Variants in NRXN3 observed in about 807,000 individuals in gnomAD.
The protein encoded by NRXN3 is neurexin III.
Under a neutral mutation model 137.6 loss-of-function variants are expected in NRXN3, and 32 were observed. The ratio of observed to expected loss-of-function variants is 0.23; its 90% CI spans 0.18 to 0.31. The LOEUF is 0.31. Among genes scored for constraint, NRXN3 ranks in the 10% least tolerant of loss-of-function variants. The pLI is 1.00. For synonymous variants in NRXN3, 798 were observed against 784.5 expected (o/e 1.02, Z -0.29); for missense variants, 1,574 against 2,062.5 (o/e 0.76, Z 4.59).
intron 1 of NRXN3, among the ~76,000 whole-genome samples, chr14:78,221,235 T>A (rs1207655900): frequency 6.6e-6 from 1 of 151,942 alleles, no homozygotes; most frequent in East Asian, 1.9e-4. Context: ...GTGAAGAGAT[T>A]AGGGTGCCGT....
chr14:79,756,378 C>G (rs1333799433), intron 19 of NRXN3, among the ~76,000 whole-genome samples: 1 of 152,140 alleles, frequency 6.6e-6, no homozygotes, highest in Non-Finnish European at 1.5e-5. Context: ...TCTTTTCTAG[C>G]TCTGAAGCGT....
chr14:79,764,265 C>A (rs2099048962), intron 19 of NRXN3, among the ~76,000 whole-genome samples: 1 of 151,978 alleles, frequency 6.6e-6, no homozygotes, highest in Non-Finnish European at 1.5e-5. Context: ...CCAATTGCAG[C>A]CATGTTATAA....
chr14:78,484,185 A>C (rs2095524611), intron 4 of NRXN3, among the ~76,000 whole-genome samples: 1 of 152,214 alleles, frequency 6.6e-6, no homozygotes, highest in Non-Finnish European at 1.5e-5. Flanking sequence ...ACAGAGTTTA[A>C]TAATAGATAA....
chr14:79,671,228 A>G (rs545596898), intron 17 of NRXN3, among the ~76,000 whole-genome samples: 5 of 152,276 alleles, frequency 3.3e-5, no homozygotes, highest in East Asian at 1.9e-4. Flanking sequence ...GCTGGTATTC[A>G]ACCCAGAACC....
At chr14:79,634,312 A>G (rs955646632) in intron 16 of NRXN3, among the ~76,000 whole-genome samples, 1 of 82,984 alleles carries the variant, frequency 1.2e-5, no homozygotes, top group Non-Finnish European at 2.4e-5. Context: ...CAAATGAGGG[A>G]GAGAGAGAGA....
At chr14:79,408,420 A>G (rs936336379) in intron 15 of NRXN3, among the ~76,000 whole-genome samples, 5 of 152,106 alleles carry the variant, frequency 3.3e-5, no homozygotes, top group African/African-American at 9.7e-5. Context: ...TGATAATAAC[A>G]TGGTTTGAAG....
At chr14:78,656,970 C>T (rs2097789381) in intron 6 of NRXN3, among the ~76,000 whole-genome samples, 1 of 147,586 alleles carries the variant, frequency 6.8e-6, no homozygotes, top group Non-Finnish European at 1.5e-5. Flanking sequence ...CGGTGTGAAC[C>T]CGGGAGGGGC....
At chr14:78,208,882 G>A (rs10138482) in intron 1 of NRXN3, among the ~76,000 whole-genome samples, 65,690 of 151,994 alleles carry the variant, frequency 0.43, 14,737 homozygotes, top group African/African-American at 0.55. Context: ...TTTGTAGTTC[G>A]CGTATGTGTC....
At chr14:79,654,195 A>G (rs2098492709) in intron 16 of NRXN3, among the ~76,000 whole-genome samples, 1 of 152,284 alleles carries the variant, frequency 6.6e-6, no homozygotes, top group Non-Finnish European at 1.5e-5. Context: ...TAGGTGAATG[A>G]GCAGGTATGT....
intron 4 of NRXN3, among the ~76,000 whole-genome samples, chr14:78,587,162 T>C (rs973526554): frequency 6.6e-6 from 1 of 152,260 alleles, no homozygotes; most frequent in African/African-American, 2.4e-5. Context: ...TAAAGAGTCA[T>C]GGAGCCCATG....
chr14:79,696,260 T>G (rs759401672), intron 18 of NRXN3, among the ~76,000 whole-genome samples: 9 of 151,962 alleles, frequency 5.9e-5, no homozygotes, highest in African/African-American at 7.2e-5. Flanking sequence ...CTATTCATAT[T>G]GGAAATTATA....
chr14:78,749,934 C>A (rs1488165346), intron 8 of NRXN3, among the ~76,000 whole-genome samples: 1 of 152,180 alleles, frequency 6.6e-6, no homozygotes, highest in African/African-American at 2.4e-5. Context: ...AGATGTGAAA[C>A]CCTCAAGCAA....
chr14:78,914,361 A>G (rs536509827), intron 10 of NRXN3, among the ~76,000 whole-genome samples: 1 of 152,340 alleles, frequency 6.6e-6, no homozygotes, highest in African/African-American at 2.4e-5. Flanking sequence ...CTAATGGAGG[A>G]TATAGACAGT....
chr14:78,214,351 T>C (rs2063046558), intron 1 of NRXN3, among the ~76,000 whole-genome samples: 1 of 152,222 alleles, frequency 6.6e-6, no homozygotes, highest in African/African-American at 2.4e-5. Flanking sequence ...AGTCCCCTCC[T>C]AGTGCTCTTT....
chr14:79,376,300 C>A (rs1306317564), intron 15 of NRXN3, among the ~76,000 whole-genome samples: 1 of 136,626 alleles, frequency 7.3e-6, no homozygotes, highest in African/African-American at 2.7e-5. Flanking sequence ...AATTCCTCTA[C>A]AAATTGTGTG....
chr14:78,975,431 G>T lies in NRXN3; in HGVS notation c.3142+7085G>T, dbSNP rs113996227. Among the ~76,000 whole-genome samples, 742 of 152,266 alleles carry T rather than the reference G, an allele frequency of 4.9e-3. 6 individuals are homozygous for T. Among genetic ancestry groups the T allele is most frequent in the African/African-American group, 0.017 (714 of 41,556 alleles). ...TGTGGCTGAAATAATGTGTGTGGGGGGATATGATAGCACATGAAATGGGAG... is the reference window on the plus strand; with the variant it reads ...TGTGGCTGAAATAATGTGTGTGGGGTGATATGATAGCACATGAAATGGGAG... On this transcript the variant is annotated intron_variant, in intron 14 of 20. Coordinates refer to ENST00000335750, the MANE Select transcript of NRXN3 (RefSeq NM_001330195.2).
chr14:79,808,272 ATATGTATGTATG>A (rs1555750786), intron 20 of NRXN3, among the ~76,000 whole-genome samples: 32 of 145,494 alleles, frequency 2.2e-4, no homozygotes, highest in African/African-American at 5.6e-4. Context: ...ATATATATAT[ATATGTATGTATG>A]TATGTATGTA....
intron 16 of NRXN3, among the ~76,000 whole-genome samples, chr14:79,583,739 C>G (rs17109508): frequency 0.049 from 7,380 of 152,122 alleles, 208 homozygotes; most frequent in Middle Eastern, 0.11. Context: ...ATAATGACTG[C>G]TATATGAGAG....
chr14:78,913,250 C>CTTTCT (rs1263122153), intron 10 of NRXN3, among the ~76,000 whole-genome samples: 1 of 84,464 alleles, frequency 1.2e-5, no homozygotes, highest in East Asian at 4.4e-4. Context: ...CCTTTCTTTT[C>CTTTCT]TTTCTTTCTT....
Sources: gnomAD v4.1 joint callset for allele counts (sites outside exome capture counted in the v4.1 genomes callset) on GRCh38, gnomAD v4.1.1 for gene constraint, MANE v1.5 for transcripts, NCBI Gene and HGNC (gene_info 2026-07-23, HGNC 2026-07-21) for gene names.